Variants in MACROD2 observed in about 807,000 individuals in gnomAD.
MACROD2 encodes ADP-ribose glycohydrolase MACROD2.
MACROD2 carries 36 observed loss-of-function variants against 70.4 expected under a neutral mutation model. The observed-to-expected ratio is 0.51, with a 90% CI of 0.39 to 0.68. The LOEUF is 0.68. MACROD2 is among the 30% of genes least tolerant of loss of function. The pLI, the probability that MACROD2 is intolerant of heterozygous loss-of-function variation, is 0.00. For synonymous variants in MACROD2, 172 were observed against 178.8 expected, an observed-to-expected ratio of 0.96 and a Z score of 0.30; for missense variants, 496 against 538.4, an observed-to-expected ratio of 0.92 and a Z score of 0.78.
intron 3 of MACROD2, among the ~76,000 whole-genome samples, chr20:14,381,165 T>C (rs1038498159): frequency 6.6e-6 from 1 of 152,164 alleles, no homozygotes; most frequent in Non-Finnish European, 1.5e-5. Flanking sequence ...TATAAGGTTA[T>C]TTTGCCTTTT....
At chr20:15,322,689 A>G (rs2077885415) in intron 6 of MACROD2, among the ~76,000 whole-genome samples, 1 of 144,460 alleles carries the variant, frequency 6.9e-6, no homozygotes, top group Non-Finnish European at 1.6e-5. Flanking sequence ...ATATTTGTAG[A>G]GAGTATGAAT....
chr20:14,303,891 A>G (rs1364780266), intron 3 of MACROD2, among the ~76,000 whole-genome samples: 1 of 152,186 alleles, frequency 6.6e-6, no homozygotes, highest in East Asian at 1.9e-4. Context: ...CACTTGTGTC[A>G]TGGTATCTTC....
At chr20:14,823,113 A>T (rs1425308461) in intron 5 of MACROD2, among the ~76,000 whole-genome samples, 1 of 152,092 alleles carries the variant, frequency 6.6e-6, no homozygotes, top group East Asian at 1.9e-4. Flanking sequence ...ATTTTTGTGT[A>T]ATCTTTGAAT....
At chr20:14,870,790 G>T (rs759175944) in intron 5 of MACROD2, among the ~76,000 whole-genome samples, 5 of 151,920 alleles carry the variant, frequency 3.3e-5, no homozygotes, top group African/African-American at 7.3e-5. Context: ...TTTTAATGGG[G>T]TTGTTTCGTT....
At chr20:15,367,687 G>T (rs369562753) in intron 6 of MACROD2, among the ~76,000 whole-genome samples, 1 of 151,808 alleles carries the variant, frequency 6.6e-6, no homozygotes. Flanking sequence ...TAAAAGCAAA[G>T]ATTTTTTTGT....
intron 5 of MACROD2, among the ~76,000 whole-genome samples, chr20:15,216,997 A>C (rs1415421591): frequency 1.3e-5 from 2 of 152,194 alleles, no homozygotes; most frequent in Non-Finnish European, 2.9e-5. Flanking sequence ...AACATTTGGA[A>C]ATGCAGTGGC....
chr20:15,869,238 T>TATATATAGAGAGAGAGAGAGAGAGAGAG, intron 9 of MACROD2, among the ~76,000 whole-genome samples: 1 of 28,300 alleles, frequency 3.5e-5, no homozygotes, highest in Non-Finnish European at 7.7e-5. Context: ...TATATATATA[T>TATATATAGAGAGAGAGAGAGAGAGAGAG]AGAGAGAGAG....
At chr20:14,945,220 C>T (rs1488233640) in intron 5 of MACROD2, among the ~76,000 whole-genome samples, 3 of 151,692 alleles carry the variant, frequency 2.0e-5, no homozygotes, top group Non-Finnish European at 4.4e-5. Context: ...CAGGTTCAAG[C>T]GATTCTCCTG....
chr20:15,210,478 T>C (rs2076752414), intron 5 of MACROD2, among the ~76,000 whole-genome samples: 1 of 151,854 alleles, frequency 6.6e-6, no homozygotes, highest in Non-Finnish European at 1.5e-5. Context: ...CAAGCAGCCA[T>C]CCACCATCTA....
At chr20:14,605,060 C>T (rs1982718015) in intron 4 of MACROD2, among the ~76,000 whole-genome samples, 1 of 152,162 alleles carries the variant, frequency 6.6e-6, no homozygotes, top group Non-Finnish European at 1.5e-5. Flanking sequence ...GTAGCTATAA[C>T]ACTTTAATCT....
Position 14,326,952 on chromosome 20 carries a change from A to G in MACROD2, c.272-166527A>G. ...ATGGTGATGAAATAGTGGATATGCG[A>G]TTATCATCCAAGCGTAGTTCTTCTA... On this transcript the variant is annotated intron_variant, in intron 3 of 17. Coordinates refer to ENST00000684519, the MANE Select transcript of MACROD2 (RefSeq NM_001351661.2). This position sits in a 1 kb window ranked among gnomAD's most constrained non-coding sequence, Gnocchi z 5.5. 1 of 1,613,772 alleles carries G rather than the reference A, an allele frequency of 6.2e-7. No individual in the cohort carries two copies. Among genetic ancestry groups the G allele is most frequent in the Non-Finnish European group, 8.5e-7 (1 of 1,179,784 alleles).
chr20:15,279,148 T>C (rs1332741350), intron 6 of MACROD2, among the ~76,000 whole-genome samples: 1 of 152,208 alleles, frequency 6.6e-6, no homozygotes, highest in Non-Finnish European at 1.5e-5. Context: ...TTAAAATATA[T>C]TTTCTTCTGT....
chr20:15,818,285 T>C (rs1453138460), intron 8 of MACROD2, among the ~76,000 whole-genome samples: 1 of 152,210 alleles, frequency 6.6e-6, no homozygotes, highest in Non-Finnish European at 1.5e-5. Flanking sequence ...AGTATACTTA[T>C]AGTTCTTTTT....
At chr20:14,835,513 A>G (rs2073019792) in intron 5 of MACROD2, among the ~76,000 whole-genome samples, 1 of 152,054 alleles carries the variant, frequency 6.6e-6, no homozygotes, top group South Asian at 2.1e-4. Context: ...TCCTTGGTCT[A>G]CTAGAGAAAA....
At chr20:14,939,748 T>C (rs1186286654) in intron 5 of MACROD2, among the ~76,000 whole-genome samples, 2 of 152,108 alleles carry the variant, frequency 1.3e-5, no homozygotes, top group Non-Finnish European at 2.9e-5. Flanking sequence ...ATTTAATTCT[T>C]TCCCTTTTTT....
chr20:14,873,934 T>C (rs1024104570), intron 5 of MACROD2, among the ~76,000 whole-genome samples: 5 of 152,156 alleles, frequency 3.3e-5, no homozygotes, highest in African/African-American at 1.2e-4. Flanking sequence ...CATTGATTGA[T>C]GTTGGTACTT....
chr20:15,207,021 C>A (rs2076714453), intron 5 of MACROD2, among the ~76,000 whole-genome samples: 1 of 152,090 alleles, frequency 6.6e-6, no homozygotes, highest in South Asian at 2.1e-4. Context: ...CAGGCGTGAG[C>A]CACCGCGCCC....
chr20:15,412,587 T>G (rs1379118929), intron 6 of MACROD2, among the ~76,000 whole-genome samples: 1 of 152,204 alleles, frequency 6.6e-6, no homozygotes, highest in Admixed American at 6.5e-5. Context: ...CCAGACTTTG[T>G]TTTCTACGTG....
At chr20:15,246,655 T>C (rs1338266342) in intron 6 of MACROD2, among the ~76,000 whole-genome samples, 1 of 152,222 alleles carries the variant, frequency 6.6e-6, no homozygotes, top group African/African-American at 2.4e-5. Flanking sequence ...GGAAAACAGC[T>C]TGGCACTTCC....
Sources: allele counts gnomAD v4.1 joint callset (sites outside exome capture counted in the v4.1 genomes callset), GRCh38; gene constraint gnomAD v4.1.1; non-coding constraint Gnocchi (gnomAD v3.1); transcripts MANE v1.5; gene names NCBI Gene and HGNC (gene_info 2026-07-23, HGNC 2026-07-21).